Variants in PALM2AKAP2 observed in about 807,000 individuals in gnomAD.
PALM2AKAP2 encodes PALM2 and AKAP2 fusion.
In PALM2AKAP2, 37 loss-of-function variants were observed where a neutral mutation model predicts 71.5. The ratio of observed to expected loss-of-function variants is 0.52; its 90% confidence interval spans 0.40 to 0.68. The LOEUF is 0.68. Ranked by LOEUF, PALM2AKAP2 falls within the 30% of genes least tolerant of loss-of-function variation. The probability of loss-of-function intolerance (pLI) is 0.00; values close to 1 mark genes in which losing one functional copy is unlikely to be tolerated. For missense variants in PALM2AKAP2, 1,224 were observed against 1,191.8 expected (o/e 1.03, Z -0.40); for synonymous variants, 468 against 478.8 (o/e 0.98, Z 0.29).
intron 1 of PALM2AKAP2, among the ~76,000 whole-genome samples, chr9:109,845,972 A>G (rs1024512843): frequency 1.3e-5 from 2 of 152,242 alleles, no homozygotes; most frequent in South Asian, 2.1e-4. Context: ...AAAAACCAGC[A>G]AGATCTAAAG....
chr9:109,881,876 C>CTTTTTTTTTTTTTTTTTTTTTTTTTTT (rs565835467), intron 3 of PALM2AKAP2, among the ~76,000 whole-genome samples: 1 of 95,114 alleles, frequency 1.1e-5, no homozygotes, highest in African/African-American at 3.6e-5. Context: ...CTTATGAGCT[C>CTTTTTTTTTTTTTTTTTTTTTTTTTTT]TTTTTTTTTT....
At chr9:110,081,502 C>G (rs1374917271) in intron 1 of PALM2AKAP2, among the ~76,000 whole-genome samples, 1 of 152,026 alleles carries the variant, frequency 6.6e-6, no homozygotes, top group Admixed American at 6.6e-5. Context: ...TAGAACATAC[C>G]ACATTACTCT....
chr9:110,138,603 C>T (rs1171902352), intron 2 of PALM2AKAP2, 64 bp downstream of exon 8: 1 of 1,478,222 alleles, frequency 6.8e-7, no homozygotes, highest in East Asian at 2.4e-5. Context: ...GATTCCAGCT[C>T]ATGGGTTTCT....
intron 1 of PALM2AKAP2, among the ~76,000 whole-genome samples, chr9:109,851,353 G>C (rs561771868): frequency 2.8e-4 from 42 of 152,298 alleles, no homozygotes; most frequent in Middle Eastern, 3.4e-3. Context: ...GTTGAGCACT[G>C]TGGGGAAAAT....
chr9:109,779,944 C>T (rs1033382756), upstream of PALM2AKAP2, among the ~76,000 whole-genome samples: 5 of 152,204 alleles, frequency 3.3e-5, no homozygotes, highest in African/African-American at 1.2e-4. Context: ...CTGCCTCCGC[C>T]CCAGCAAGCG....
At position 109,665,370 on chromosome 9, in the gene PALM2AKAP2, G is replaced by T. The variant is rs540009752; in HGVS notation, c.5+24504G>T. Among the ~76,000 whole-genome samples, 45 of 152,242 alleles carry T rather than the reference G, an allele frequency of 3.0e-4. 2 individuals carry two copies. The South Asian group carries it at 8.7e-3, about 29-fold the overall frequency. On this transcript the variant is annotated intron_variant, in intron 1 of 6. Coordinates refer to the PALM2AKAP2 transcript ENST00000374531. ...ATTGGTGACCTACAGATGGGGTTTTGGTGTAGATGACCTTTTTGTTGATGT... is the reference window on the plus strand; with the variant it reads ...ATTGGTGACCTACAGATGGGGTTTTTGTGTAGATGACCTTTTTGTTGATGT...
chr9:109,724,495 A>T (rs907445231), intron 1 of PALM2AKAP2, among the ~76,000 whole-genome samples: 2 of 146,994 alleles, frequency 1.4e-5, no homozygotes, highest in African/African-American at 2.5e-5. Context: ...ACACCAAATA[A>T]ATTTATGGTA....
intron 1 of PALM2AKAP2, among the ~76,000 whole-genome samples, chr9:109,736,266 G>A (rs569055164): frequency 6.2e-4 from 95 of 152,086 alleles, no homozygotes; most frequent in African/African-American, 2.2e-3. Flanking sequence ...ATGCATGTAC[G>A]TATAAACACA....
intron 6 of PALM2AKAP2, among the ~76,000 whole-genome samples, chr9:109,953,580 G>A (rs1200569338): frequency 6.6e-6 from 1 of 152,146 alleles, no homozygotes; most frequent in Non-Finnish European, 1.5e-5. Context: ...GCTCATGCTT[G>A]TAATCCCAGC....
At chr9:110,147,439 T>G (rs974448745) in intron 2 of PALM2AKAP2, among the ~76,000 whole-genome samples, 19 of 152,186 alleles carry the variant, frequency 1.2e-4, no homozygotes, top group Non-Finnish European at 4.4e-5. Flanking sequence ...ATAAAAATGT[T>G]GAGACAGGGC....
chr9:109,670,696 C>T (rs940692100), intron 1 of PALM2AKAP2, among the ~76,000 whole-genome samples: 6 of 152,284 alleles, frequency 3.9e-5, no homozygotes, highest in Non-Finnish European at 5.9e-5. Context: ...AATTGCCACA[C>T]TGTCTTCCAC....
At chr9:110,039,695 TAGCAGC>T (rs10536981) in intron 7 of PALM2AKAP2, among the ~76,000 whole-genome samples, 20 of 151,296 alleles carry the variant, frequency 1.3e-4, no homozygotes, top group African/African-American at 4.6e-4. Flanking sequence ...TCAAACATAG[TAGCAGC>T]AGCAGCAGCA....
At position 109,828,105 on chromosome 9, in the gene PALM2AKAP2, T is replaced by C. The variant is rs191103962; in HGVS notation, c.46-39386T>C. Reference sequence around the variant, plus strand: ...CAGAGGTCAGTAGTGTCACTGGCATTCTACAGATTAAAATACTGTAGTTGA... The same window carrying C: ...CAGAGGTCAGTAGTGTCACTGGCATCCTACAGATTAAAATACTGTAGTTGA... On this transcript the variant is annotated intron_variant, in intron 1 of 9. Transcript: ENST00000302798. 2.0e-5 allele frequency among the ~76,000 whole-genome samples: 3 copies of C among 152,302 alleles called. No homozygotes were observed. The East Asian group carries it at 5.8e-4, about 29-fold the overall frequency.
intron 1 of PALM2AKAP2, among the ~76,000 whole-genome samples, chr9:109,732,306 T>C (rs1828568593): frequency 6.6e-6 from 1 of 152,220 alleles, no homozygotes. Context: ...GCACCAGCTT[T>C]GGAGTCAAAC....
chr9:109,911,652 G>A (rs1830572176), intron 3 of PALM2AKAP2, among the ~76,000 whole-genome samples: 2 of 152,056 alleles, frequency 1.3e-5, no homozygotes, highest in Admixed American at 6.6e-5. Flanking sequence ...ACCAAGCCAA[G>A]ATTTTAAAAA....
At chr9:110,096,797 G>T (rs10980200) in intron 1 of PALM2AKAP2, among the ~76,000 whole-genome samples, 26,462 of 151,124 alleles carry the variant, frequency 0.18, 2,943 homozygotes, top group African/African-American at 0.31. Context: ...GGTTGGGGGG[G>T]GGTGAGTCCA....
At chr9:109,886,242 TTG>T (rs1339577517) in intron 3 of PALM2AKAP2, among the ~76,000 whole-genome samples, 1 of 152,152 alleles carries the variant, frequency 6.6e-6, no homozygotes, top group Non-Finnish European at 1.5e-5. Context: ...CGTGCCATTA[TTG>T]TGTGTGGTGG....
At chr9:109,858,473 T>G (rs1829226872) in intron 1 of PALM2AKAP2, among the ~76,000 whole-genome samples, 1 of 152,290 alleles carries the variant, frequency 6.6e-6, no homozygotes, top group African/African-American at 2.4e-5. Flanking sequence ...CCTACTCATT[T>G]CACAGGCTGG....
intron 1 of PALM2AKAP2, among the ~76,000 whole-genome samples, chr9:109,770,529 A>G (rs1829244081): frequency 2.6e-5 from 4 of 152,244 alleles, no homozygotes; most frequent in South Asian, 4.1e-4. Context: ...TAATAAATGC[A>G]GAATTTGGCA....
Sources: allele counts gnomAD v4.1 joint callset (sites outside exome capture counted in the v4.1 genomes callset), GRCh38; gene constraint gnomAD v4.1.1; transcripts MANE v1.5; gene names NCBI Gene and HGNC (gene_info 2026-07-23, HGNC 2026-07-21).